The following ADAMTS3 variants were observed in gnomAD, a reference collection of about 807,000 sequenced individuals.
ADAMTS3 encodes A disintegrin and metalloproteinase with thrombospondin motifs 3.
A neutral mutation model predicts 129.0 loss-of-function variants in ADAMTS3; 73 were observed. That is an observed-to-expected ratio of 0.57 (90% confidence interval 0.47 to 0.69). The LOEUF is 0.69. Among genes scored for constraint, ADAMTS3 ranks in the 30% least tolerant of loss-of-function variants. The pLI, the probability that ADAMTS3 is intolerant of heterozygous loss-of-function variation, is 0.00. For missense variants in ADAMTS3, 1,457 were observed against 1,514.5 expected (o/e 0.96, Z 0.63); for synonymous variants, 477 against 510.8 (o/e 0.93, Z 0.89).
In ADAMTS3 at chr4:72,352,102, T is replaced by A. The variant is rs531734973; in HGVS notation, c.662-12409A>T. Among the ~76,000 whole-genome samples the A allele has an allele frequency of 1.1e-3, 160 of 152,126 alleles. 1 individual carries two copies. Among genetic ancestry groups the A allele is most frequent in the African/African-American group, 3.7e-3 (155 of 41,536 alleles). ...AGTTCATCTTCTTAGATTTTAAAGA[T>A]TATATGTTTTTAGTCCAAGAAACCT... On this transcript the variant is annotated intron_variant, in intron 4 of 21. Transcript: ENST00000286657.
At chr4:72,378,287 C>G (rs1468454586) in intron 4 of ADAMTS3, among the ~76,000 whole-genome samples, 1 of 152,108 alleles carries the variant, frequency 6.6e-6, no homozygotes. Flanking sequence ...ATTATCAATT[C>G]AGCACAAAGA....
chr4:72,416,185 A>ATATACATATATGTATATAAATATATG, intron 3 of ADAMTS3, among the ~76,000 whole-genome samples: 1 of 148,408 alleles, frequency 6.7e-6, no homozygotes, highest in South Asian at 2.1e-4. Flanking sequence ...ATAAATATAT[A>ATATACATATATGTATATAAATATATG]TATTCATATA....
chr4:72,454,836 T>C (rs1718500450), intron 3 of ADAMTS3, among the ~76,000 whole-genome samples: 1 of 151,690 alleles, frequency 6.6e-6, no homozygotes, highest in South Asian at 2.1e-4. Context: ...TTCCAATCCT[T>C]ACTTTAAAAC....
chr4:72,491,723 T>G (rs1455795829), intron 3 of ADAMTS3, among the ~76,000 whole-genome samples: 1 of 151,850 alleles, frequency 6.6e-6, no homozygotes, highest in Non-Finnish European at 1.5e-5. Context: ...AATTAGCTTA[T>G]AGTTTTCTTT....
intron 3 of ADAMTS3, among the ~76,000 whole-genome samples, chr4:72,466,894 A>C (rs1718935084): frequency 6.6e-6 from 1 of 152,076 alleles, no homozygotes; most frequent in African/African-American, 2.4e-5. Flanking sequence ...ATGCGGTCTT[A>C]GTTAAGATAA....
chr4:72,566,023 G>A (rs189137906), intron 2 of ADAMTS3, among the ~76,000 whole-genome samples: 5 of 151,730 alleles, frequency 3.3e-5, no homozygotes, highest in African/African-American at 1.2e-4. Flanking sequence ...CCCTACTTAA[G>A]AGTTGGTTAA....
Position 72,392,513 on chromosome 4 carries a change from T to C in ADAMTS3, c.661+22302A>G, listed in dbSNP as rs563327481. 3.2e-3 allele frequency among the ~76,000 whole-genome samples: 495 copies of C among 152,342 alleles called. 1 individual carries two copies. Among genetic ancestry groups the C allele is most frequent in the Non-Finnish European group, 5.6e-3 (384 of 68,032 alleles). The stretch of plus-strand genomic sequence containing the variant: ...ACTTGAAATTCATTGCTTCAAAGCA[T>C]CTTGATAATTTTTCTTGTCTCTACC... On this transcript the variant is annotated intron_variant, in intron 4 of 21. Transcript: ENST00000286657.
intron 4 of ADAMTS3, among the ~76,000 whole-genome samples, chr4:72,394,197 G>C (rs1483431372): frequency 6.6e-6 from 1 of 151,962 alleles, no homozygotes; most frequent in Non-Finnish European, 1.5e-5. Context: ...AGTCACCATT[G>C]ACTGCCCTGG....
chr4:72,466,895 G>A (rs1053165565), intron 3 of ADAMTS3, among the ~76,000 whole-genome samples: 1 of 152,004 alleles, frequency 6.6e-6, no homozygotes, highest in African/African-American at 2.4e-5. Flanking sequence ...TGCGGTCTTA[G>A]TTAAGATAAT....
intron 4 of ADAMTS3, among the ~76,000 whole-genome samples, chr4:72,359,084 G>A (rs1441971381): frequency 6.6e-6 from 1 of 151,982 alleles, no homozygotes; most frequent in East Asian, 1.9e-4. Flanking sequence ...TAAAAGTCGA[G>A]AGTGAGTAGA....
At chr4:72,301,718 T>C (rs886932476) in intron 17 of ADAMTS3, among the ~76,000 whole-genome samples, 1 of 152,140 alleles carries the variant, frequency 6.6e-6, no homozygotes, top group Admixed American at 6.6e-5. Flanking sequence ...AACTTTTTTT[T>C]TTTGTTTGGC....
At chr4:72,298,818 A>ATT (rs1252473548) in intron 17 of ADAMTS3, among the ~76,000 whole-genome samples, 1 of 151,266 alleles carries the variant, frequency 6.6e-6, no homozygotes, top group East Asian at 1.9e-4. Flanking sequence ...AAATTTTTAA[A>ATT]TTAAAATTTT....
intron 3 of ADAMTS3, among the ~76,000 whole-genome samples, chr4:72,453,412 T>G (rs923114897): frequency 6.6e-6 from 1 of 151,726 alleles, no homozygotes; most frequent in Non-Finnish European, 1.5e-5. Context: ...TTATTCCAAG[T>G]ATTTTACATA....
intron 2 of ADAMTS3, among the ~76,000 whole-genome samples, chr4:72,564,460 A>G (rs913180783): frequency 1.3e-5 from 2 of 152,132 alleles, no homozygotes; most frequent in Non-Finnish European, 2.9e-5. Context: ...GAAGTATGTC[A>G]ATGATCTCAT....
chr4:72,415,461 A>C (rs1722280794), intron 3 of ADAMTS3, among the ~76,000 whole-genome samples: 1 of 152,066 alleles, frequency 6.6e-6, no homozygotes, highest in African/African-American at 2.4e-5. Flanking sequence ...TGCTACCTTC[A>C]GTATGTAAAG....
At chr4:72,443,859 T>C (rs1718183270) in intron 3 of ADAMTS3, among the ~76,000 whole-genome samples, 3 of 151,688 alleles carry the variant, frequency 2.0e-5, no homozygotes, top group Admixed American at 6.6e-5. Flanking sequence ...GTGTGTTCTA[T>C]GGGTCACTAG....
intron 11 of ADAMTS3, among the ~76,000 whole-genome samples, chr4:72,315,216 A>T (rs1428856020): frequency 6.6e-6 from 1 of 152,236 alleles, no homozygotes; most frequent in South Asian, 2.1e-4. Context: ...GCTTCTTCCT[A>T]TTCTGCCAAC....
chr4:72,545,385 T>TA (rs1420645749), intron 3 of ADAMTS3, among the ~76,000 whole-genome samples: 1 of 152,116 alleles, frequency 6.6e-6, no homozygotes, highest in East Asian at 1.9e-4. Context: ...CAACACTAGG[T>TA]ACATTCTGTC....
At chr4:72,310,564 C>CA (rs1719204687) in intron 14 of ADAMTS3, among the ~76,000 whole-genome samples, 1 of 151,850 alleles carries the variant, frequency 6.6e-6, no homozygotes, top group Non-Finnish European at 1.5e-5. Flanking sequence ...TTAAATGGAG[C>CA]AAAAAAACAT....
Sources: allele counts gnomAD v4.1 joint callset (sites outside exome capture counted in the v4.1 genomes callset), GRCh38; gene constraint gnomAD v4.1.1; transcripts MANE v1.5; gene names NCBI Gene and HGNC (gene_info 2026-07-23, HGNC 2026-07-21).